The following NTRK2 variants were observed in gnomAD, a reference collection of about 807,000 sequenced individuals.
NTRK2 encodes neurotrophic receptor tyrosine kinase 2.
Under a neutral mutation model 94.5 loss-of-function variants are expected in NTRK2, and 13 were observed. The observed-to-expected ratio is 0.14, with a 90% confidence interval of 0.09 to 0.22. The LOEUF (loss-of-function observed/expected upper bound fraction) is 0.22. Ranked by LOEUF, NTRK2 falls within the 10% of genes least tolerant of loss-of-function variation. NTRK2 has a pLI of 1.00. For synonymous variants in NTRK2, 372 were observed against 407.4 expected, an observed-to-expected ratio of 0.91 and a Z score of 1.05; for missense variants, 639 against 1,071.2, an observed-to-expected ratio of 0.60 and a Z score of 5.63.
intron 18 of NTRK2, 30 bp from the exon 19 acceptor site, chr9:85,021,222 T>C (rs777362725): frequency 6.2e-7 from 1 of 1,605,354 alleles, no homozygotes; most frequent in Non-Finnish European, 8.5e-7. Context: ...CTTTTCCTCC[T>C]GTCTCATCCT....
intron 6 of NTRK2, among the ~76,000 whole-genome samples, chr9:84,718,241 G>A (rs1188287695): frequency 6.6e-6 from 1 of 152,122 alleles, no homozygotes; most frequent in African/African-American, 2.4e-5. Context: ...GACACTTATG[G>A]TCTAAATCCC....
chr9:84,954,455 TA>T (rs1361501349), intron 16 of NTRK2, among the ~76,000 whole-genome samples: 1 of 152,196 alleles, frequency 6.6e-6, no homozygotes, highest in Non-Finnish European at 1.5e-5. Context: ...AAATAAGATT[TA>T]AAAAATCATA....
intron 14 of NTRK2, among the ~76,000 whole-genome samples, chr9:84,896,342 G>T (rs1040657645): frequency 6.6e-6 from 1 of 152,206 alleles, no homozygotes; most frequent in Non-Finnish European, 1.5e-5. Context: ...TATCTTTGAT[G>T]CCTGAAACAC....
At chr9:84,872,414 G>A in intron 14 of NTRK2, 2 of 1,079,078 alleles carry the variant, frequency 1.9e-6, no homozygotes, top group Non-Finnish European at 2.3e-6. Context: ...CACTATAGAT[G>A]TCCTCCCTAA....
intron 12 of NTRK2, chr9:84,813,275 C>T (rs1406846102): frequency 9.7e-7 from 1 of 1,030,622 alleles, no homozygotes; most frequent in South Asian, 4.7e-5. Flanking sequence ...CTGTGTCCCA[C>T]AGGAATGGGA....
At chr9:84,937,972 G>A (rs1355783648) in intron 15 of NTRK2, among the ~76,000 whole-genome samples, 1 of 152,088 alleles carries the variant, frequency 6.6e-6, no homozygotes, top group Non-Finnish European at 1.5e-5. Flanking sequence ...TAACTCAGGT[G>A]TATTTCTAGA....
chr9:84,952,341 G>A (rs1823567194), intron 16 of NTRK2, among the ~76,000 whole-genome samples: 1 of 152,240 alleles, frequency 6.6e-6, no homozygotes, highest in Non-Finnish European at 1.5e-5. Flanking sequence ...AGCAGTTGGT[G>A]CAGTGCCGGC....
intron 4 of NTRK2, among the ~76,000 whole-genome samples, chr9:84,703,792 A>G (rs1753845894): frequency 6.6e-6 from 1 of 152,248 alleles, no homozygotes; most frequent in South Asian, 2.1e-4. Flanking sequence ...GAACTTTATT[A>G]ACACATTTCA....
intron 12 of NTRK2, among the ~76,000 whole-genome samples, chr9:84,778,796 C>A (rs77188357): frequency 6.6e-6 from 1 of 152,190 alleles, no homozygotes; most frequent in African/African-American, 2.4e-5. Context: ...TCACGGACAC[C>A]GTGCAATGTC....
chr9:84,713,567 G>A (rs1457241284), intron 6 of NTRK2, among the ~76,000 whole-genome samples: 2 of 151,922 alleles, frequency 1.3e-5, no homozygotes, highest in Non-Finnish European at 2.9e-5. Context: ...TTTTGCTGGA[G>A]TATATCTTCT....
intron 2 of NTRK2, among the ~76,000 whole-genome samples, chr9:84,695,054 CA>C (rs61049105): frequency 0.14 from 9,628 of 68,472 alleles, 428 homozygotes; most frequent in African/African-American, 0.26. Flanking sequence ...GACTCCGTCT[CA>C]AAAAAAAAAA....
At chr9:84,708,827 A>G (rs2061261892) in intron 5 of NTRK2, among the ~76,000 whole-genome samples, 2 of 152,232 alleles carry the variant, frequency 1.3e-5, no homozygotes, top group Admixed American at 6.5e-5. Context: ...AGTCTTGGCA[A>G]TTGAGAATTA....
At chr9:85,004,053 G>GAAAGAAAGAAAGAAAAGAAAGAAAGAAA (rs1316613240) in intron 17 of NTRK2, among the ~76,000 whole-genome samples, 2 of 64,900 alleles carry the variant, frequency 3.1e-5, no homozygotes, top group East Asian at 2.8e-4. Flanking sequence ...AAGGGAGAAA[G>GAAAGAAAGAAAGAAAAGAAAGAAAGAAA]AGAAAGAAAG....
At chr9:84,877,566 C>A in intron 14 of NTRK2, 3 of 1,066,520 alleles carry the variant, frequency 2.8e-6, no homozygotes. Flanking sequence ...CACCTCATTG[C>A]ACTGGTCTCA....
chr9:84,674,752 A>C (rs1257705924), intron 2 of NTRK2, among the ~76,000 whole-genome samples: 1 of 152,216 alleles, frequency 6.6e-6, no homozygotes, highest in Non-Finnish European at 1.5e-5. Context: ...ATTTACAGAC[A>C]TCAGCTTGGC....
chr9:84,858,217 C>T (rs1025063015), intron 12 of NTRK2, among the ~76,000 whole-genome samples: 1 of 152,132 alleles, frequency 6.6e-6, no homozygotes, highest in Non-Finnish European at 1.5e-5. Context: ...TAAAAACCTC[C>T]TTAACCAATC....
chr9:84,747,282 C>T (rs144394828), intron 11 of NTRK2, among the ~76,000 whole-genome samples: 3 of 152,208 alleles, frequency 2.0e-5, no homozygotes, highest in African/African-American at 7.2e-5. Flanking sequence ...ATAGCAAGAA[C>T]AAATACCATG....
intron 6 of NTRK2, among the ~76,000 whole-genome samples, chr9:84,720,209 G>A (rs1395901931): frequency 6.6e-6 from 1 of 152,130 alleles, no homozygotes; most frequent in East Asian, 1.9e-4. Flanking sequence ...GAGTGTGAGA[G>A]TACAGGGAAC....
intron 14 of NTRK2, among the ~76,000 whole-genome samples, chr9:84,870,331 G>GTGTGTGTGTGTATA (rs1349303529): frequency 4.2e-4 from 13 of 31,182 alleles, no homozygotes; most frequent in African/African-American, 1.1e-3. Context: ...GTGTGTGTGT[G>GTGTGTGTGTGTATA]TATATATATA....
Sources: gnomAD v4.1 joint callset for allele counts (sites outside exome capture counted in the v4.1 genomes callset) on GRCh38, gnomAD v4.1.1 for gene constraint, MANE v1.5 for transcripts, NCBI Gene and HGNC (gene_info 2026-07-23, HGNC 2026-07-21) for gene names.